The following ARHGAP15 variants were observed in gnomAD, a reference collection of about 807,000 sequenced individuals.
ARHGAP15 encodes rho GTPase-activating protein 15.
Under a neutral mutation model 63.7 loss-of-function variants are expected in ARHGAP15, and 51 were observed. The ratio of observed to expected loss-of-function variants is 0.80; its 90% CI spans 0.64 to 1.01. ARHGAP15 has a LOEUF of 1.01. ARHGAP15 is among the 50% of genes least tolerant of loss of function. The probability of loss-of-function intolerance (pLI) is 0.00; values close to 1 mark genes in which losing one functional copy is unlikely to be tolerated. For synonymous variants in ARHGAP15, 191 were observed against 193.8 expected (o/e 0.99, Z 0.12); for missense variants, 560 against 564.6 (o/e 0.99, Z 0.08).
At chr2:143,438,182 A>G (rs1446299519) in intron 8 of ARHGAP15, among the ~76,000 whole-genome samples, 1 of 151,978 alleles carries the variant, frequency 6.6e-6, no homozygotes, top group East Asian at 1.9e-4. Context: ...CAGTATACTG[A>G]CATCCTAAAC....
At chr2:143,519,158 C>A in intron 9 of ARHGAP15, 108 bp from the exon 10 acceptor site, 2 of 791,146 alleles carry the variant, frequency 2.5e-6, no homozygotes, top group South Asian at 1.7e-5. Context: ...AAAAAAAAAT[C>A]TTATGCAAGA....
At chr2:143,139,105 C>T (rs1689258882) in intron 1 of ARHGAP15, among the ~76,000 whole-genome samples, 1 of 152,002 alleles carries the variant, frequency 6.6e-6, no homozygotes, top group Admixed American at 6.6e-5. Flanking sequence ...GTGTCTCTGT[C>T]AAAATTGTTC....
chr2:143,242,970 A>G (rs1693918421), intron 5 of ARHGAP15, among the ~76,000 whole-genome samples: 1 of 152,246 alleles, frequency 6.6e-6, no homozygotes, highest in South Asian at 2.1e-4. Context: ...CTGGAATAGC[A>G]ATTAATCCAA....
chr2:143,184,867 G>C lies in ARHGAP15; in HGVS notation c.166-17267G>C, dbSNP rs139229513. Among the ~76,000 whole-genome samples, 189 of 134,282 alleles carry C rather than the reference G, an allele frequency of 1.4e-3. 1 individual carries two copies. In the East Asian group the frequency reaches 0.035, roughly 25 times the overall value. 88.1% of individuals were successfully genotyped at this position (134,282 alleles called of 152,430 possible). On this transcript the variant is annotated intron_variant, in intron 2 of 13. Coordinates refer to ENST00000295095, the MANE Select transcript of ARHGAP15 (RefSeq NM_018460.4). ...TTTCTTTTTTCTTTTTTTTTTTGTA[G>C]AGACAAAGTCTCACTATGTGGCTCA...
intron 8 of ARHGAP15, among the ~76,000 whole-genome samples, chr2:143,444,656 T>C (rs189835914): frequency 2.6e-5 from 4 of 152,232 alleles, no homozygotes; most frequent in African/African-American, 9.6e-5. Context: ...ATGTCCCAAA[T>C]AGGCCTAATA....
intron 6 of ARHGAP15, among the ~76,000 whole-genome samples, chr2:143,432,232 T>C (rs1193921245): frequency 6.6e-6 from 1 of 152,022 alleles, no homozygotes; most frequent in Non-Finnish European, 1.5e-5. Context: ...TAAACAAAAG[T>C]ATGGAAATTT....
intron 2 of ARHGAP15, among the ~76,000 whole-genome samples, chr2:143,177,272 G>C (rs1691043891): frequency 6.6e-6 from 1 of 152,136 alleles, no homozygotes; most frequent in South Asian, 2.1e-4. Flanking sequence ...AGAGCCGGCT[G>C]TTCACATGCT....
intron 6 of ARHGAP15, among the ~76,000 whole-genome samples, chr2:143,402,343 G>A (rs905996721): frequency 2.2e-4 from 34 of 151,978 alleles, no homozygotes; most frequent in African/African-American, 7.7e-4. Context: ...GAGAGAATGA[G>A]AGGCACAGAT....
At chr2:143,637,006 A>G (rs1680349555) in intron 12 of ARHGAP15, among the ~76,000 whole-genome samples, 1 of 152,008 alleles carries the variant, frequency 6.6e-6, no homozygotes, top group African/African-American at 2.4e-5. Context: ...TGTGTCCTCA[A>G]ATACAAGAAG....
intron 6 of ARHGAP15, among the ~76,000 whole-genome samples, chr2:143,418,742 T>C (rs1354419789): frequency 1.3e-5 from 2 of 152,216 alleles, no homozygotes; most frequent in African/African-American, 4.8e-5. Context: ...GGATTTGAAT[T>C]GCAGGGGCCC....
chr2:143,446,750 G>C (rs1174940746), intron 8 of ARHGAP15, among the ~76,000 whole-genome samples: 2 of 151,282 alleles, frequency 1.3e-5, no homozygotes, highest in Admixed American at 6.6e-5. Context: ...CTAGCATTAG[G>C]TATATCTCCC....
chr2:143,148,711 A>G (rs1212343282), intron 1 of ARHGAP15, among the ~76,000 whole-genome samples: 6 of 151,970 alleles, frequency 3.9e-5, no homozygotes, highest in Admixed American at 1.3e-4. Flanking sequence ...ATGTTACCCA[A>G]TGGGGTGGCT....
intron 3 of ARHGAP15, among the ~76,000 whole-genome samples, chr2:143,209,696 GC>G (rs71404466): frequency 0.032 from 4,836 of 152,240 alleles, 117 homozygotes; most frequent in Middle Eastern, 0.12. Context: ...GAATGTTGAA[GC>G]AGAAAGAAAC....
intron 6 of ARHGAP15, among the ~76,000 whole-genome samples, chr2:143,277,934 T>G (rs1165891274): frequency 1.3e-5 from 2 of 152,192 alleles, no homozygotes; most frequent in Non-Finnish European, 2.9e-5. Context: ...ATCTGAATAT[T>G]TTTACATTGG....
At chr2:143,449,744 G>C (rs1229678012) in intron 8 of ARHGAP15, among the ~76,000 whole-genome samples, 2 of 152,016 alleles carry the variant, frequency 1.3e-5, no homozygotes, top group Admixed American at 6.6e-5. Flanking sequence ...CCTCTTAGTA[G>C]GGTGAGATTT....
chr2:143,410,942 G>T (rs911314454), intron 6 of ARHGAP15, among the ~76,000 whole-genome samples: 13 of 152,036 alleles, frequency 8.6e-5, no homozygotes, highest in African/African-American at 3.1e-4. Flanking sequence ...GATGGCTCAC[G>T]CCTGTAATCT....
chr2:143,662,474 A>T (rs1574796739), intron 12 of ARHGAP15, among the ~76,000 whole-genome samples: 1 of 144,850 alleles, frequency 6.9e-6, no homozygotes, highest in African/African-American at 2.5e-5. Context: ...GAAAAAACAG[A>T]AGAGAAAACT....
intron 6 of ARHGAP15, among the ~76,000 whole-genome samples, chr2:143,411,239 G>A (rs1002731608): frequency 6.0e-5 from 2 of 33,346 alleles, no homozygotes; most frequent in Admixed American, 4.8e-4. Context: ...TAGTAGGAAA[G>A]GGTACATTAA....
At chr2:143,738,890 A>T (rs185220422) in intron 13 of ARHGAP15, among the ~76,000 whole-genome samples, 31 of 152,280 alleles carry the variant, frequency 2.0e-4, no homozygotes, top group Admixed American at 7.2e-4. Context: ...CCATGATTCA[A>T]ACAGCCGTAA....
Sources: gnomAD v4.1 joint callset for allele counts (sites outside exome capture counted in the v4.1 genomes callset) on GRCh38, gnomAD v4.1.1 for gene constraint, MANE v1.5 for transcripts, NCBI Gene and HGNC (gene_info 2026-07-23, HGNC 2026-07-21) for gene names.